GGT7: variants seen among roughly 807,000 people sequenced by gnomAD.
The protein encoded by GGT7 is gamma-glutamyltransferase 7.
In GGT7, 30 loss-of-function variants were observed where a neutral mutation model predicts 69.2. The observed-to-expected ratio is 0.43, with a 90% CI of 0.32 to 0.59. The LOEUF is 0.59. GGT7 is among the 20% of genes least tolerant of loss of function. The pLI is 0.05. For missense variants in GGT7, 733 were observed against 901.1 expected (o/e 0.81, Z 2.39); for synonymous variants, 388 against 391.8 (o/e 0.99, Z 0.12).
intron 8 of GGT7, among the ~76,000 whole-genome samples, chr20:34,855,814 T>TGTGTGTGTGTGTGTGAGA (rs56219337): frequency 6.9e-6 from 1 of 144,518 alleles, no homozygotes; most frequent in African/African-American, 2.7e-5. Context: ...TGTGTGTGTG[T>TGTGTGTGTGTGTGTGAGA]GATAATGGTC....
intron 4 of GGT7, 92 bp downstream of exon 4, chr20:34,861,353 C>T (rs765289259): frequency 8.9e-6 from 5 of 564,684 alleles, no homozygotes; most frequent in Admixed American, 8.5e-5. Context: ...TCCCACTCCC[C>T]TGGTAAATAC....
rs113985334 is a variant in GGT7 at position 34,869,163 on chromosome 20, A to T, written c.169+3484T>A. Among the ~76,000 whole-genome samples, 837 of 149,900 alleles carry T rather than the reference A, an allele frequency of 5.6e-3. 7 individuals are homozygous for T. Among genetic ancestry groups the T allele is most frequent in the African/African-American group, 0.013 (548 of 40,656 alleles). On this transcript the variant is annotated intron_variant, in intron 1 of 14. Transcript: ENST00000336431. ...AATCACTAAAATAAATAAATAAATA[A>T]ATATATATATATATAAAATTTTGAA...
intron 1 of GGT7, chr20:34,872,407 A>C (rs904716356): frequency 1.6e-5 from 6 of 373,270 alleles, no homozygotes; most frequent in African/African-American, 1.2e-4. Flanking sequence ...CCAGAAGGTA[A>C]GCCCAATCCC....
chr20:34,847,588 G>T (rs568638500), intron 14 of GGT7, among the ~76,000 whole-genome samples: 2 of 152,150 alleles, frequency 1.3e-5, no homozygotes, highest in African/African-American at 4.8e-5. Flanking sequence ...TTATGGCAAG[G>T]AACAAGTTTC....
At chr20:34,871,152 T>C (rs1165298477) in intron 1 of GGT7, among the ~76,000 whole-genome samples, 1 of 152,044 alleles carries the variant, frequency 6.6e-6, no homozygotes, top group East Asian at 1.9e-4. Flanking sequence ...AGACAGGGAG[T>C]AATCAGATAA....
At chr20:34,849,772 G>A (rs1247147874) in intron 14 of GGT7, among the ~76,000 whole-genome samples, 189 bp downstream of exon 14, 2 of 152,170 alleles carry the variant, frequency 1.3e-5, no homozygotes, top group Non-Finnish European at 2.9e-5. Context: ...GATTTCCCAA[G>A]GCCACACAAC....
intron 13 of GGT7, chr20:34,850,977 C>A (rs2079380115): frequency 1.5e-6 from 1 of 678,566 alleles, no homozygotes; most frequent in South Asian, 1.5e-5. Flanking sequence ...AGATGCTAAC[C>A]CCACTTTTCA....
rs887456543 is a variant in GGT7 at position 34,863,720 on chromosome 20, A to G, written c.170-172T>C. 8 of 718,918 alleles carry G rather than the reference A, an allele frequency of 1.1e-5. No homozygotes were observed. Among genetic ancestry groups the G allele is most frequent in the Admixed American group, 8.0e-5 (4 of 49,954 alleles). 44.5% of individuals were successfully genotyped at this position (718,918 alleles called of 1,614,324 possible). A position where few individuals can be genotyped will look rare whatever the true frequency, so the allele number is the denominator to read the frequency against. ...CGTGCACCCCAGGACAGGCGGGGCA[A>G]CGGTGCCCGGCTAGGAAGAGACAGG... is the stretch of plus-strand genomic sequence containing the variant. On this transcript the variant is annotated intron_variant, in intron 1 of 14. Coordinates refer to ENST00000336431, the MANE Select transcript of GGT7 (RefSeq NM_178026.3). This position sits in a 1 kb window ranked among gnomAD's most constrained non-coding sequence, Gnocchi z 4.4.
intron 14 of GGT7, among the ~76,000 whole-genome samples, chr20:34,846,312 C>CTTTCT (rs149165215): frequency 0.49 from 57,817 of 119,146 alleles, 12,753 homozygotes; most frequent in African/African-American, 0.59. Context: ...TTCTTTCTTT[C>CTTTCT]TTTTTTTTGA....
Position 34,860,046 on chromosome 20 carries a change from G to T in GGT7, c.744-4C>A. The T allele has an allele frequency of 1.9e-6, 3 of 1,553,984 alleles. No homozygotes were observed. The highest frequency in any genetic ancestry group is 4.7e-5 in the East Asian group (2 of 42,478). ...CAGGACTTGGGACCATGGCAGCCTG[G>T]GGGGGCCGGAGAGCAGGGGGTGGAG... On this transcript the variant is annotated splice_polypyrimidine_tract_variant and splice_region_variant and intron_variant, in intron 5 of 14. Transcript: ENST00000336431.
chr20:34,854,805 C>T lies in GGT7; in HGVS notation c.1221G>A (p.Trp407Ter). 1 of 1,614,120 alleles carries T rather than the reference C, an allele frequency of 6.2e-7. No homozygotes were observed. Among genetic ancestry groups the T allele is most frequent in the Admixed American group, 1.7e-5 (1 of 60,018 alleles). Residue 407 changes from tryptophan (W) to a stop codon, truncating the protein, a stop_gained, in exon 9 of 15, where the codon TGG (tryptophan) becomes TGA (stop). Coordinates refer to ENST00000336431, the MANE Select transcript of GGT7 (RefSeq NM_178026.3). LOFTEE classifies it high-confidence loss of function. Reference sequence around the variant, plus strand: ...GACGGGTCAGCCTTACCTCTGCCACCCAGTGAAGAGCCTGTTCTCGGGATA... The same window carrying T: ...GACGGGTCAGCCTTACCTCTGCCACTCAGTGAAGAGCCTGTTCTCGGGATA... The part of the protein sequence containing the change: ...SLVSREQALH[W>*]VAETLKIALA...
chr20:34,851,337 A>G lies in GGT7; in HGVS notation c.1619T>C (p.Leu540Pro). Residue 540 changes from leucine (L) to proline (P), a missense_variant, in exon 13 of 15, where the codon CTC becomes CCC. Physicochemically the swap from Leu to Pro is moderately conservative, Grantham distance 98 (BLOSUM62 -3). Coordinates refer to ENST00000336431, the MANE Select transcript of GGT7 (RefSeq NM_178026.3). Reference protein sequence around the residue: ...ENSVQPGKRPLSFLLPTVVRP... With the variant: ...ENSVQPGKRPPSFLLPTVVRP... The stretch of plus-strand genomic sequence containing the variant: ...GACCACTGTGGGCAGCAGGAAAGAG[A>G]GTGGCCGCTTCCCTGGCTGCACTGA... The G allele has an allele frequency of 6.2e-7, 1 of 1,613,770 alleles. No individual in the cohort carries two copies. The highest frequency in any genetic ancestry group is 8.5e-7 in the Non-Finnish European group (1 of 1,179,920).
intron 1 of GGT7, among the ~76,000 whole-genome samples, chr20:34,870,608 A>T (rs1293722221): frequency 1.3e-5 from 2 of 150,618 alleles, no homozygotes; most frequent in Non-Finnish European, 2.9e-5. Context: ...GGGGTTACAG[A>T]CACCTGCCAC....
At chr20:34,864,074 G>A (rs2079649546) in intron 1 of GGT7, among the ~76,000 whole-genome samples, 1 of 152,162 alleles carries the variant, frequency 6.6e-6, no homozygotes, top group Admixed American at 6.5e-5. Flanking sequence ...ATAGAGCCCT[G>A]GAAGAAAAAG....
Position 34,863,209 on chromosome 20 carries a change from C to T in GGT7, c.405+104G>A, listed in dbSNP as rs868780418. ...TTCCTCTCCCAAGTCACCACCCTCT[C>T]TCCCCTTCTACCACTCAGCCATTCC... On this transcript the variant is annotated intron_variant, in intron 2 of 14. Transcript: ENST00000336431. This position sits in a 1 kb window ranked among gnomAD's most constrained non-coding sequence, Gnocchi z 4.4. The T allele has an allele frequency of 3.2e-6, 3 of 927,658 alleles. No individual in the cohort carries two copies. The African/African-American group carries it at 4.9e-5, about 15-fold the overall frequency. The allele number at this position is 927,658 out of a possible 1,614,324, so 57.5% of individuals were successfully genotyped here.
chr20:34,845,040 G>A lies in GGT7; in HGVS notation c.*288C>T, dbSNP rs2079276955. The A allele has an allele frequency of 2.4e-5, 10 of 425,508 alleles. No individual in the cohort carries two copies. The South Asian group carries it at 3.5e-4, about 15-fold the overall frequency. 26.4% of individuals were successfully genotyped at this position (425,508 alleles called of 1,614,324 possible). A position where few individuals can be genotyped will look rare whatever the true frequency, so the allele number is the denominator to read the frequency against. On this transcript the variant is annotated 3_prime_UTR_variant, in exon 15 of 15. Transcript: ENST00000336431. ...CGGGGCCAGCATGGCTGAAGGAGGA[G>A]AGGTGACACACAGACAGATAGTCTG...
intron 4 of GGT7, among the ~76,000 whole-genome samples, chr20:34,861,015 C>A (rs746681867): frequency 6.6e-6 from 1 of 152,176 alleles, no homozygotes; most frequent in Non-Finnish European, 1.5e-5. Flanking sequence ...CTTTTGCCAC[C>A]GCACTAAGTA....
chr20:34,854,574 C>T lies in GGT7; in HGVS notation c.1276G>A (p.Val426Ile), dbSNP rs528923882. The T allele has an allele frequency of 3.8e-5, 61 of 1,613,244 alleles. No individual in the cohort carries two copies. Among genetic ancestry groups the T allele is most frequent in the African/African-American group, 5.3e-5 (4 of 75,026 alleles). ...CTCTCAGTGATGGTAGAATCATAGACGGGATCTCCCAGTCTGCTGGCCAGG... is the reference window on the plus strand; with the variant it reads ...CTCTCAGTGATGGTAGAATCATAGATGGGATCTCCCAGTCTGCTGGCCAGG... ...LALASRLGDP[V>I]YDSTITESMD... Residue 426 changes from valine to isoleucine, a missense_variant, in exon 10 of 15, where the codon GTC becomes ATC. By Grantham distance (29) the Val-to-Ile change is conservative. Coordinates refer to ENST00000336431, the MANE Select transcript of GGT7 (RefSeq NM_178026.3).
chr20:34,851,201 G>GA, intron 13 of GGT7, 30 bp downstream of exon 13: 1 of 1,610,268 alleles, frequency 6.2e-7, no homozygotes, highest in Non-Finnish European at 8.5e-7. Context: ...GCTCCCGGCT[G>GA]AAAAAGGCCA....
Sources: gnomAD v4.1 joint callset for allele counts (sites outside exome capture counted in the v4.1 genomes callset) on GRCh38, gnomAD v4.1.1 for gene constraint, Gnocchi (gnomAD v3.1) non-coding constraint, MANE v1.5 for transcripts, NCBI Gene and HGNC (gene_info 2026-07-23, HGNC 2026-07-21) for gene names.